Variants in PARD3B observed in about 807,000 individuals in gnomAD.
PARD3B encodes par-3 family cell polarity regulator beta, also known as partitioning defective 3 homolog B.
A neutral mutation model predicts 130.2 loss-of-function variants in PARD3B; 103 were observed. That is an observed-to-expected ratio of 0.79 (90% confidence interval 0.67 to 0.93). The LOEUF (loss-of-function observed/expected upper bound fraction) is 0.93, where lower values mean the gene tolerates loss of function less well. PARD3B is among the 40% of genes least tolerant of loss of function. The probability of loss-of-function intolerance (pLI) is 0.00; values close to 1 mark genes in which losing one functional copy is unlikely to be tolerated. For missense variants in PARD3B, 1,609 were observed against 1,499.2 expected, an observed-to-expected ratio of 1.07 and a Z score of -1.21; for synonymous variants, 583 against 553.2, an observed-to-expected ratio of 1.05 and a Z score of -0.76.
intron 1 of PARD3B, among the ~76,000 whole-genome samples, chr2:204,596,901 A>G (rs879740850): frequency 6.6e-6 from 1 of 151,806 alleles, no homozygotes; most frequent in African/African-American, 2.4e-5. Context: ...CTGGGCAACA[A>G]GAGAGAAACT....
chr2:205,126,752 C>CAAAAAAAAAAAAA (rs4045004), intron 10 of PARD3B, among the ~76,000 whole-genome samples: 17 of 74,454 alleles, frequency 2.3e-4, no homozygotes, highest in African/African-American at 3.9e-4. Context: ...GACTCCGTCT[C>CAAAAAAAAAAAAA]AAAAAAAAAA....
chr2:204,647,205 A>G (rs900462393), intron 1 of PARD3B, among the ~76,000 whole-genome samples: 3 of 151,874 alleles, frequency 2.0e-5, no homozygotes, highest in East Asian at 3.8e-4. Flanking sequence ...GATAACCAAT[A>G]AGGTTGAGTT....
At chr2:204,595,247 C>G (rs1013585683) in intron 1 of PARD3B, among the ~76,000 whole-genome samples, 2 of 152,222 alleles carry the variant, frequency 1.3e-5, no homozygotes, top group African/African-American at 4.8e-5. Context: ...TCTGTCCCAT[C>G]CACTGCCCCT....
At chr2:204,998,440 GTGTATATATATGTGTATATTATATA>G (rs1694511403) in intron 3 of PARD3B, among the ~76,000 whole-genome samples, 1 of 17,390 alleles carries the variant, frequency 5.8e-5, no homozygotes, top group Non-Finnish European at 1.5e-4. Flanking sequence ...ATATATGTGT[GTGTATATATATGTGTATATTATATA>G]TGTATATATA....
intron 2 of PARD3B, among the ~76,000 whole-genome samples, chr2:204,796,572 G>A (rs1248071339): frequency 2.0e-5 from 3 of 152,190 alleles, no homozygotes; most frequent in Non-Finnish European, 4.4e-5. Context: ...CACAAAGTGA[G>A]CTGTTGTGAT....
chr2:205,170,713 A>G (rs1177129471), intron 11 of PARD3B, among the ~76,000 whole-genome samples: 1 of 151,820 alleles, frequency 6.6e-6, no homozygotes, highest in Non-Finnish European at 1.5e-5. Context: ...ACCCGTCTGC[A>G]CAGTTTCCCT....
At chr2:205,030,465 A>C (rs1274967927) in intron 3 of PARD3B, among the ~76,000 whole-genome samples, 1 of 152,146 alleles carries the variant, frequency 6.6e-6, no homozygotes, top group Non-Finnish European at 1.5e-5. Flanking sequence ...CAGCATTGTG[A>C]ATATTTGAGG....
chr2:204,896,919 A>G (rs755650554), intron 2 of PARD3B, among the ~76,000 whole-genome samples: 5 of 152,206 alleles, frequency 3.3e-5, no homozygotes, highest in Admixed American at 6.5e-5. Flanking sequence ...ATGATCTTGA[A>G]CACATAAAAA....
intron 22 of PARD3B, among the ~76,000 whole-genome samples, chr2:205,614,631 A>G (rs1341817343): frequency 1.3e-5 from 2 of 151,808 alleles, no homozygotes; most frequent in African/African-American, 4.8e-5. Flanking sequence ...GCTTGAACCC[A>G]GGAGGCAGAG....
At chr2:205,194,612 A>G (rs1399388603) in intron 15 of PARD3B, among the ~76,000 whole-genome samples, 1 of 152,210 alleles carries the variant, frequency 6.6e-6, no homozygotes, top group East Asian at 1.9e-4. Flanking sequence ...TTTTGAGGAG[A>G]GAAATATATT....
rs4673331 is a variant in PARD3B, at chr2:205,371,611, T to C, written c.2631-29402T>C. On this transcript the variant is annotated intron_variant, in intron 18 of 22. Transcript: ENST00000406610. ...AACCTATAGTTAGAGCATCAGTATT[T>C]GGAGTTTCTTCCTTAGAAGATCCTG... Among the ~76,000 whole-genome samples, 626 of 152,318 alleles carry C rather than the reference T, an allele frequency of 4.1e-3. 21 individuals carry two copies. The highest frequency in any genetic ancestry group is 0.036 in the Admixed American group (548 of 15,288).
chr2:204,743,635 ATTGC>A (rs2040101176), intron 2 of PARD3B, among the ~76,000 whole-genome samples: 1 of 151,994 alleles, frequency 6.6e-6, no homozygotes, highest in Non-Finnish European at 1.5e-5. Flanking sequence ...CTTCCTTCTT[ATTGC>A]TTTTCCTTCC....
At chr2:205,448,803 T>C (rs1301999267) in intron 20 of PARD3B, among the ~76,000 whole-genome samples, 3 of 151,630 alleles carry the variant, frequency 2.0e-5, no homozygotes, top group Non-Finnish European at 4.4e-5. Context: ...TCTGAACTTA[T>C]CTTAGTGATA....
intron 19 of PARD3B, among the ~76,000 whole-genome samples, chr2:205,412,597 C>T (rs1020737265): frequency 4.6e-5 from 7 of 152,310 alleles, no homozygotes; most frequent in African/African-American, 9.6e-5. Context: ...ACAGTGCAAA[C>T]TCTTTGTCCT....
At chr2:205,203,284 A>G (rs568835287) in intron 15 of PARD3B, among the ~76,000 whole-genome samples, 8 of 152,280 alleles carry the variant, frequency 5.3e-5, no homozygotes, top group African/African-American at 1.7e-4. Context: ...TTTAAAATTT[A>G]AATATTCTGG....
intron 3 of PARD3B, among the ~76,000 whole-genome samples, chr2:204,994,703 G>A (rs558436892): frequency 6.7e-6 from 1 of 150,186 alleles, no homozygotes; most frequent in East Asian, 2.0e-4. Context: ...CATTATTAAT[G>A]TGTGGGAGTC....
At chr2:205,399,399 G>A (rs1387931041) in intron 18 of PARD3B, among the ~76,000 whole-genome samples, 3 of 152,036 alleles carry the variant, frequency 2.0e-5, no homozygotes, top group Non-Finnish European at 4.4e-5. Context: ...ATGTCACCCA[G>A]GCTGGGCTGC....
At chr2:204,613,003 A>T (rs1043152659) in intron 1 of PARD3B, among the ~76,000 whole-genome samples, 1 of 152,140 alleles carries the variant, frequency 6.6e-6, no homozygotes, top group Non-Finnish European at 1.5e-5. Context: ...TAGTATGATG[A>T]TAAAATATTG....
chr2:205,588,534 T>C (rs1210447041), intron 22 of PARD3B, among the ~76,000 whole-genome samples: 3 of 152,084 alleles, frequency 2.0e-5, no homozygotes, highest in African/African-American at 7.2e-5. Flanking sequence ...TGTGTGTGCG[T>C]GTGCATATCT....
Sources: gnomAD v4.1 joint callset for allele counts (sites outside exome capture counted in the v4.1 genomes callset) on GRCh38, gnomAD v4.1.1 for gene constraint, MANE v1.5 for transcripts, NCBI Gene and HGNC (gene_info 2026-07-23, HGNC 2026-07-21) for gene names.